CAMTA1: variants seen among roughly 807,000 people sequenced by gnomAD.
The protein encoded by CAMTA1 is calmodulin-binding transcription activator 1.
A neutral mutation model predicts 170.9 loss-of-function variants in CAMTA1; 27 were observed. The observed-to-expected ratio is 0.16, with a 90% CI of 0.12 to 0.22. CAMTA1 has a LOEUF of 0.22. Among genes scored for constraint, CAMTA1 ranks in the 10% least tolerant of loss-of-function variants. CAMTA1 has a pLI of 1.00. For missense variants in CAMTA1, 1,619 were observed against 2,217.2 expected (o/e 0.73, Z 5.42); for synonymous variants, 833 against 891.5 (o/e 0.93, Z 1.17).
At chr1:7,226,103 GC>G (rs1318573630) in intron 4 of CAMTA1, among the ~76,000 whole-genome samples, 1 of 152,154 alleles carries the variant, frequency 6.6e-6, no homozygotes, top group Non-Finnish European at 1.5e-5. Flanking sequence ...TCCAAAAGGG[GC>G]TTTTTAACTC....
chr1:7,227,589 A>T lies in CAMTA1; in HGVS notation c.303-21902A>T, dbSNP rs140181741. Among the ~76,000 whole-genome samples the T allele has an allele frequency of 9.5e-4, 144 of 152,164 alleles. 4 individuals are homozygous for T. In the East Asian group the frequency reaches 0.021, roughly 23 times the overall value. On this transcript the variant is annotated intron_variant, in intron 4 of 22. Transcript: ENST00000303635. Reference sequence around the variant, plus strand: ...GGTGATCCACCTGCCTCAGCCTCCCAAATTGCTGGGATTACAGGCATGAGC... The same window carrying T: ...GGTGATCCACCTGCCTCAGCCTCCCTAATTGCTGGGATTACAGGCATGAGC...
At position 7,144,477 on chromosome 1, in the gene CAMTA1, G is replaced by A. The variant is rs964718773; in HGVS notation, c.302+53106G>A. 2.0e-5 allele frequency among the ~76,000 whole-genome samples: 3 copies of A among 152,026 alleles called. No homozygotes were observed. The highest frequency in any genetic ancestry group is 7.3e-5 in the African/African-American group (3 of 41,372). ...TAAGGGCCTGAACATATGAATTTTGGGGGACACAATTCAACCCCTCATGCT... is the reference window on the plus strand; with the variant it reads ...TAAGGGCCTGAACATATGAATTTTGAGGGACACAATTCAACCCCTCATGCT... On this transcript the variant is annotated intron_variant, in intron 4 of 22. Coordinates refer to ENST00000303635, the MANE Select transcript of CAMTA1 (RefSeq NM_015215.4). The surrounding 1 kb of genome is among the most constrained non-coding windows in gnomAD (Gnocchi z 4.0).
Position 7,681,395 on chromosome 1 carries a change from G to T in CAMTA1, c.2914+3662G>T, listed in dbSNP as rs2096204036. ...AGCAGGGTTAGCCCGGGAAGAGGGG[G>T]CATCAAGGGTGGCAGGAGAGGGAAT... On this transcript the variant is annotated intron_variant, in intron 11 of 22. Coordinates refer to ENST00000303635, the MANE Select transcript of CAMTA1 (RefSeq NM_015215.4). This position sits in a 1 kb window ranked among gnomAD's most constrained non-coding sequence, Gnocchi z 4.6. Among the ~76,000 whole-genome samples, 1 of 152,208 alleles carries T rather than the reference G, an allele frequency of 6.6e-6. No homozygotes were observed. The highest frequency in any genetic ancestry group is 2.4e-5 in the African/African-American group (1 of 41,462).
intron 3 of CAMTA1, chr1:6,871,645 C>G (rs1668437421): frequency 5.7e-6 from 5 of 873,240 alleles, no homozygotes; most frequent in East Asian, 5.9e-5. Flanking sequence ...AAAAATGGCT[C>G]TACACGACAT....
At chr1:6,990,285 A>G (rs572422030) in intron 3 of CAMTA1, among the ~76,000 whole-genome samples, 3 of 152,322 alleles carry the variant, frequency 2.0e-5, no homozygotes, top group South Asian at 4.1e-4. Context: ...TGTGTCTCAC[A>G]ATTTTTTTTC....
intron 4 of CAMTA1, among the ~76,000 whole-genome samples, chr1:7,182,865 A>G (rs1263306822): frequency 6.6e-6 from 1 of 152,244 alleles, no homozygotes; most frequent in East Asian, 1.9e-4. Flanking sequence ...TAGAGAAATG[A>G]AAATGGCTTT....
chr1:7,225,943 C>T (rs943399277), intron 4 of CAMTA1, among the ~76,000 whole-genome samples: 7 of 152,024 alleles, frequency 4.6e-5, no homozygotes, highest in African/African-American at 1.7e-4. Context: ...GGTTGGGATC[C>T]TAGCATCCCC....
chr1:7,671,347 G>A (rs772789201), intron 10 of CAMTA1, among the ~76,000 whole-genome samples: 47 of 152,208 alleles, frequency 3.1e-4, no homozygotes, highest in Non-Finnish European at 5.7e-4. Context: ...AGTGGGAAGC[G>A]GCCACCACCC....
chr1:7,069,000 C>G (rs1481719216), intron 3 of CAMTA1, among the ~76,000 whole-genome samples: 1 of 152,196 alleles, frequency 6.6e-6, no homozygotes, highest in East Asian at 1.9e-4. Context: ...AATGGCCAAG[C>G]TGGACGCAGG....
chr1:6,907,871 T>C (rs1346637083), intron 3 of CAMTA1, among the ~76,000 whole-genome samples: 1 of 151,886 alleles, frequency 6.6e-6, no homozygotes, highest in East Asian at 1.9e-4. Flanking sequence ...AGTTCCAGCC[T>C]CTCCCGCCCC....
intron 6 of CAMTA1, among the ~76,000 whole-genome samples, chr1:7,581,042 CA>C: frequency 6.6e-6 from 1 of 152,348 alleles, no homozygotes; most frequent in East Asian, 1.9e-4. Flanking sequence ...AACTCGGTGC[CA>C]GGGGCACTGG....
intron 4 of CAMTA1, among the ~76,000 whole-genome samples, chr1:7,126,571 TAAA>T (rs1644944043): frequency 6.6e-6 from 1 of 152,238 alleles, no homozygotes; most frequent in Non-Finnish European, 1.5e-5. Flanking sequence ...TGATTCACAT[TAAA>T]AATACAAGGG....
intron 5 of CAMTA1, among the ~76,000 whole-genome samples, chr1:7,350,452 C>G (rs946852521): frequency 2.0e-5 from 3 of 152,126 alleles, no homozygotes; most frequent in South Asian, 2.1e-4. Flanking sequence ...TTAATCTTAC[C>G]CTCTCTTATT....
chr1:6,884,291 G>GAGAC (rs1448763424), intron 3 of CAMTA1, among the ~76,000 whole-genome samples: 1 of 136,550 alleles, frequency 7.3e-6, no homozygotes, highest in Non-Finnish European at 1.6e-5. Flanking sequence ...ATTCTCTAGA[G>GAGAC]ACACACACAC....
At chr1:7,604,622 C>T (rs1439642735) in intron 6 of CAMTA1, among the ~76,000 whole-genome samples, 5 of 152,058 alleles carry the variant, frequency 3.3e-5, no homozygotes, top group East Asian at 1.9e-4. Flanking sequence ...GCCATGGGTT[C>T]GAACTTCCTC....
In CAMTA1 at chr1:7,272,818, G is replaced by T. The variant is rs373518609; in HGVS notation, c.438+23192G>T. ...AATGTTAAGAGCTGAAACTATAAAA[G>T]TCTTAGAAGATAACATGGGAATAAA... On this transcript the variant is annotated intron_variant, in intron 5 of 22. Transcript: ENST00000303635. Among the ~76,000 whole-genome samples the T allele has an allele frequency of 1.1e-3, 169 of 150,022 alleles. 6 individuals are homozygous for T. In the South Asian group the frequency reaches 0.033, roughly 29 times the overall value.
intron 5 of CAMTA1, among the ~76,000 whole-genome samples, chr1:7,362,555 G>A (rs2085624517): frequency 6.6e-6 from 1 of 151,996 alleles, no homozygotes; most frequent in South Asian, 2.1e-4. Context: ...CTTGGATAGA[G>A]TTGGTGGACT....
At chr1:7,290,294 C>G (rs1672938088) in intron 5 of CAMTA1, among the ~76,000 whole-genome samples, 1 of 152,220 alleles carries the variant, frequency 6.6e-6, no homozygotes, top group Admixed American at 6.5e-5. Flanking sequence ...GCATCATATT[C>G]AGTCCCTCTG....
At chr1:7,329,498 G>T (rs1202975801) in intron 5 of CAMTA1, among the ~76,000 whole-genome samples, 1 of 152,110 alleles carries the variant, frequency 6.6e-6, no homozygotes, top group Non-Finnish European at 1.5e-5. Context: ...GACCAAAAAT[G>T]CTTTGCTCTC....
Sources: gnomAD v4.1 joint callset for allele counts (sites outside exome capture counted in the v4.1 genomes callset) on GRCh38, gnomAD v4.1.1 for gene constraint, Gnocchi (gnomAD v3.1) non-coding constraint, MANE v1.5 for transcripts, NCBI Gene and HGNC (gene_info 2026-07-23, HGNC 2026-07-21) for gene names.